CCSAP: variants seen among roughly 807,000 people sequenced by gnomAD.
The protein encoded by CCSAP is centriole, cilia and spindle-associated protein.
A neutral mutation model predicts 25.9 loss-of-function variants in CCSAP; 17 were observed. The observed-to-expected ratio is 0.66, with a 90% CI of 0.45 to 0.99. The LOEUF (loss-of-function observed/expected upper bound fraction) is 0.99, where lower values mean the gene tolerates loss of function less well. Ranked by LOEUF, CCSAP falls within the 50% of genes least tolerant of loss-of-function variation. The probability of loss-of-function intolerance (pLI) is 0.00; values close to 1 mark genes in which losing one functional copy is unlikely to be tolerated. For missense variants in CCSAP, 339 were observed against 367.8 expected (o/e 0.92, Z 0.64); for synonymous variants, 169 against 157.1 (o/e 1.08, Z -0.57).
At chr1:229,333,278 A>C (rs960054951) in intron 2 of CCSAP, among the ~76,000 whole-genome samples, 2 of 130,702 alleles carry the variant, frequency 1.5e-5, no homozygotes, top group African/African-American at 2.6e-5. Context: ...TAAAAATACA[A>C]AAAAATTAGC....
chr1:229,334,847 A>G (rs138854000), intron 2 of CCSAP, among the ~76,000 whole-genome samples: 1 of 152,378 alleles, frequency 6.6e-6, no homozygotes, highest in Non-Finnish European at 1.5e-5. Flanking sequence ...AAAAAGGTAT[A>G]AAGCCACAAG....
chr1:229,337,678 A>AAAAAAT, intron 2 of CCSAP, among the ~76,000 whole-genome samples: 5 of 65,508 alleles, frequency 7.6e-5, no homozygotes, highest in African/African-American at 3.0e-4. Context: ...CTCAAAAAAA[A>AAAAAAT]ATATATATAT....
intron 2 of CCSAP, 121 bp downstream of exon 2, chr1:229,341,978 G>GAAAAAA: frequency 2.2e-6 from 2 of 919,030 alleles, no homozygotes; most frequent in Non-Finnish European, 2.8e-6. Flanking sequence ...TCTGTCAACC[G>GAAAAAA]AAAAAAAAAA....
At chr1:229,336,484 C>T (rs940845847) in intron 2 of CCSAP, among the ~76,000 whole-genome samples, 1 of 152,144 alleles carries the variant, frequency 6.6e-6, no homozygotes, top group African/African-American at 2.4e-5. Flanking sequence ...GCTTATTCCC[C>T]ATGAGACAGG....
At position 229,326,858 on chromosome 1, in the gene CCSAP, T is replaced by C; in HGVS notation, c.516A>G (p.Arg172=). The change falls in exon 3 of 4, where the codon AGA becomes AGG. Residue 172 remains arginine (R), a synonymous_variant. Transcript: ENST00000284617. ...GNRKAVKSPQ[R]SSSKIKENKH... ...TGTTTTCTTTTATTTTACTCGATGA[T>C]CTTTGGGGACTTTTGACCGCTTTCC... is the stretch of plus-strand genomic sequence containing the variant. The C allele has an allele frequency of 6.2e-7, 1 of 1,614,212 alleles. No individual in the cohort carries two copies. The highest frequency in any genetic ancestry group is 8.5e-7 in the Non-Finnish European group (1 of 1,180,046).
chr1:229,328,019 G>A (rs1208177884), intron 2 of CCSAP, among the ~76,000 whole-genome samples: 3 of 152,186 alleles, frequency 2.0e-5, no homozygotes, highest in Non-Finnish European at 4.4e-5. Flanking sequence ...CCCACCTAAG[G>A]GGAACCTCAG....
intron 3 of CCSAP, 96 bp downstream of exon 3, chr1:229,326,642 A>T (rs575682567): frequency 1.4e-6 from 2 of 1,451,174 alleles, no homozygotes; most frequent in Admixed American, 1.9e-5. Context: ...GGCCCAAAGC[A>T]CCCAGTGGCC....
At position 229,338,960 on chromosome 1, in the gene CCSAP, A is replaced by C. The variant is rs1658267400; in HGVS notation, c.367+3139T>G. ...TGGAAAATGTAATAAGAGATTTAGA[A>C]GATACAGCTGAGAGTATCACCCAGA... On this transcript the variant is annotated intron_variant, in intron 2 of 3. Coordinates refer to ENST00000284617, the MANE Select transcript of CCSAP (RefSeq NM_145257.5). Among the ~76,000 whole-genome samples, 4 of 152,200 alleles carry C rather than the reference A, an allele frequency of 2.6e-5. No individual in the cohort carries two copies. The South Asian group carries it at 8.3e-4, about 32-fold the overall frequency.
chr1:229,329,077 G>A (rs1047726243), intron 2 of CCSAP, among the ~76,000 whole-genome samples: 5 of 152,240 alleles, frequency 3.3e-5, no homozygotes, highest in Non-Finnish European at 7.3e-5. Flanking sequence ...GAGGAGGAAA[G>A]AAGAGATCAT....
At chr1:229,338,899 G>A (rs1194923353) in intron 2 of CCSAP, among the ~76,000 whole-genome samples, 1 of 151,848 alleles carries the variant, frequency 6.6e-6, no homozygotes, top group Non-Finnish European at 1.5e-5. Context: ...CAATTCAAGA[G>A]CTCTTACATT....
chr1:229,329,832 AG>A (rs1658028620), intron 2 of CCSAP, among the ~76,000 whole-genome samples: 1 of 152,270 alleles, frequency 6.6e-6, no homozygotes, highest in East Asian at 1.9e-4. Flanking sequence ...CTCTACTAAA[AG>A]TACAAAAATT....
In CCSAP at chr1:229,342,070, CCCCTCGCGCTCCCCT is replaced by C. The variant is rs1298631612; in HGVS notation, c.367+14_367+28del. On this transcript the variant is annotated intron_variant, in intron 2 of 3. Transcript: ENST00000284617. This position sits in a 1 kb window ranked among gnomAD's most constrained non-coding sequence, Gnocchi z 7.5. ...AGAGCAAACCGTCCCTGCGTGCAGG[CCCCTCGCGCTCCCCT>C]CCGGGCCGGGTACCTGGCAGAGCCG... The C allele has an allele frequency of 4.5e-6, 6 of 1,320,052 alleles. No homozygotes were observed. In the South Asian group the frequency reaches 1.3e-4, roughly 28 times the overall value. 81.8% of individuals were successfully genotyped at this position (1,320,052 alleles called of 1,614,324 possible). A position where few individuals can be genotyped will look rare whatever the true frequency, so the allele number is the denominator to read the frequency against.
rs2102701325 is a variant in CCSAP, at chr1:229,342,386, T to G, written c.80A>C (p.Tyr27Ser). Residue 27 changes from tyrosine (Y) to serine (S), a missense_variant, in exon 2 of 4, where the codon TAC becomes TCC. Physicochemically the swap from Tyr to Ser is moderately radical, Grantham distance 144. Coordinates refer to ENST00000284617, the MANE Select transcript of CCSAP (RefSeq NM_145257.5). This position sits in a 1 kb window ranked among gnomAD's most constrained non-coding sequence, Gnocchi z 7.5. ...EPRWEEYGPC[Y>S]RELLHYRLGR... ...TAGGCGGTAGTGCAGCAGCTCGCGG[T>G]AGCACGGCCCGTACTCCTCCCAGCG... 1 of 1,504,642 alleles carries G rather than the reference T, an allele frequency of 6.6e-7. No homozygotes were observed. 93.2% of individuals were successfully genotyped at this position (1,504,642 alleles called of 1,614,324 possible).
chr1:229,330,420 A>T (rs891468043), intron 2 of CCSAP, among the ~76,000 whole-genome samples: 2 of 152,200 alleles, frequency 1.3e-5, no homozygotes, highest in Non-Finnish European at 2.9e-5. Flanking sequence ...AGGAGGTGCA[A>T]ACAGGCCCGG....
chr1:229,335,311 C>A (rs149456158), intron 2 of CCSAP, among the ~76,000 whole-genome samples: 1 of 151,840 alleles, frequency 6.6e-6, no homozygotes, highest in Non-Finnish European at 1.5e-5. Flanking sequence ...AGACTGAGAC[C>A]CTGTCTCAAA....
At position 229,323,205 on chromosome 1, in the gene CCSAP, A is replaced by G. The variant is rs1657867464; in HGVS notation, c.*2030T>C. ...ATCCCGTTCATTTGTCTTCCACTTAAAAAGAGGAAAAAATTGGCCAATATT... is the reference window on the plus strand; with the variant it reads ...ATCCCGTTCATTTGTCTTCCACTTAGAAAGAGGAAAAAATTGGCCAATATT... On this transcript the variant is annotated 3_prime_UTR_variant, in exon 4 of 4. Coordinates refer to ENST00000284617, the MANE Select transcript of CCSAP (RefSeq NM_145257.5). The G allele has an allele frequency of 6.6e-6, 1 of 152,256 alleles. No individual in the cohort carries two copies. Among genetic ancestry groups the G allele is most frequent in the South Asian group, 2.1e-4 (1 of 4,838 alleles). The allele number at this position is 152,256 out of a possible 1,614,324, so 9.4% of individuals were successfully genotyped here.
Position 229,342,165 on chromosome 1 carries a change from G to T in CCSAP, c.301C>A (p.Pro101Thr), listed in dbSNP as rs1202184751. 1 of 1,301,012 alleles carries T rather than the reference G, an allele frequency of 7.7e-7. No homozygotes were observed. Among genetic ancestry groups the T allele is most frequent in the Non-Finnish European group, 9.8e-7 (1 of 1,025,064 alleles). The allele number at this position is 1,301,012 out of a possible 1,614,324, so 80.6% of individuals were successfully genotyped here. ...EEAERRARGA[P>T]EEQDAEAGDA... ...CCGGCCTCCGCGTCCTGCTCCTCCG[G>T]GGCCCCGCGCGCCCGCCGTTCCGCC... The change falls in exon 2 of 4, where the codon CCG becomes ACG. Residue 101 changes from proline (P) to threonine (T), a missense_variant. Coordinates refer to ENST00000284617, the MANE Select transcript of CCSAP (RefSeq NM_145257.5). The surrounding 1 kb of genome is among the most constrained non-coding windows in gnomAD (Gnocchi z 7.5).
chr1:229,325,915 G>A (rs1176063429), intron 3 of CCSAP, among the ~76,000 whole-genome samples: 4 of 152,130 alleles, frequency 2.6e-5, no homozygotes, highest in East Asian at 3.9e-4. Context: ...TTTGTTAAAC[G>A]GCAGCTTTGT....
chr1:229,330,831 T>C (rs1308911648), intron 2 of CCSAP, among the ~76,000 whole-genome samples: 6 of 112,802 alleles, frequency 5.3e-5, no homozygotes, highest in Admixed American at 5.2e-4. Flanking sequence ...GGCAACTCCA[T>C]CTAAAAAAAA....
Sources: allele counts gnomAD v4.1 joint callset (sites outside exome capture counted in the v4.1 genomes callset), GRCh38; gene constraint gnomAD v4.1.1; non-coding constraint Gnocchi (gnomAD v3.1); transcripts MANE v1.5; gene names NCBI Gene and HGNC (gene_info 2026-07-23, HGNC 2026-07-21).